LRP1B: variants seen among roughly 807,000 people sequenced by gnomAD.
LRP1B encodes the protein LDL receptor related protein 1B, also known as low-density lipoprotein receptor-related protein 1B.
A neutral mutation model predicts 556.6 loss-of-function variants in LRP1B; 217 were observed. That is an observed-to-expected ratio of 0.39 (90% CI 0.35 to 0.44). The LOEUF (loss-of-function observed/expected upper bound fraction) is 0.44. Ranked by LOEUF, LRP1B falls within the 20% of genes least tolerant of loss-of-function variation. The probability of loss-of-function intolerance (pLI) is 1.00; values close to 1 mark genes in which losing one functional copy is unlikely to be tolerated. For synonymous variants in LRP1B, 2,047 were observed against 1,865.8 expected (o/e 1.10, Z -2.50); for missense variants, 5,053 against 5,620.8 (o/e 0.90, Z 3.23).
intron 43 of LRP1B, among the ~76,000 whole-genome samples, chr2:140,542,241 A>G (rs1680165040): frequency 6.6e-6 from 1 of 152,254 alleles, no homozygotes; most frequent in African/African-American, 2.4e-5. Flanking sequence ...TAACAAGTGT[A>G]TTGTTTTGTA....
intron 7 of LRP1B, among the ~76,000 whole-genome samples, chr2:141,115,831 A>T (rs1219333949): frequency 6.6e-6 from 1 of 152,076 alleles, no homozygotes; most frequent in Non-Finnish European, 1.5e-5. Context: ...AAGGCTTATG[A>T]GCCAGAAAAA....
At position 141,808,982 on chromosome 2, in the gene LRP1B, C is replaced by A. The variant is rs56128220; in HGVS notation, c.205+1297G>T. On this transcript the variant is annotated intron_variant, in intron 2 of 90. Coordinates refer to ENST00000389484, the MANE Select transcript of LRP1B (RefSeq NM_018557.3). The stretch of plus-strand genomic sequence containing the variant: ...CTATATGGGTTTATCACAATTTATC[C>A]ATTAGAATTTTTCCTATGAACCTTT... 4.6e-5 allele frequency among the ~76,000 whole-genome samples: 7 copies of A among 152,108 alleles called. No individual in the cohort carries two copies. The East Asian group carries it at 9.7e-4, about 21-fold the overall frequency.
At chr2:140,487,776 C>A (rs2105367148) in intron 57 of LRP1B, 37 bp from the exon 58 acceptor site, 1 of 1,354,122 alleles carries the variant, frequency 7.4e-7, no homozygotes, top group South Asian at 1.3e-5. Flanking sequence ...AATGATAGTT[C>A]ATAGAAATAA....
chr2:142,086,609 T>C (rs2104941333), intron 1 of LRP1B, among the ~76,000 whole-genome samples: 1 of 123,998 alleles, frequency 8.1e-6, no homozygotes, highest in Non-Finnish European at 1.7e-5. Flanking sequence ...AGACTCCATC[T>C]CAAAAACAAA....
chr2:140,922,104 T>C (rs1694751888), intron 21 of LRP1B, among the ~76,000 whole-genome samples: 2 of 151,992 alleles, frequency 1.3e-5, no homozygotes, highest in South Asian at 2.1e-4. Context: ...TTTCACAAAT[T>C]AAACCACAAT....
At chr2:141,588,701 C>T (rs1687225523) in intron 2 of LRP1B, among the ~76,000 whole-genome samples, 1 of 152,172 alleles carries the variant, frequency 6.6e-6, no homozygotes, top group Non-Finnish European at 1.5e-5. Flanking sequence ...TCTGAGCTAG[C>T]TCTTCTCCTT....
At chr2:141,528,918 A>G (rs1684783226) in intron 2 of LRP1B, among the ~76,000 whole-genome samples, 1 of 152,218 alleles carries the variant, frequency 6.6e-6, no homozygotes, top group Admixed American at 6.5e-5. Context: ...ATAAATAACA[A>G]TTCTAACTGC....
chr2:141,896,704 G>A (rs2104925313), intron 1 of LRP1B, among the ~76,000 whole-genome samples: 1 of 152,138 alleles, frequency 6.6e-6, no homozygotes, highest in South Asian at 2.1e-4. Context: ...TTAGATTTTT[G>A]TTGACATAAA....
chr2:141,771,312 A>G (rs1288332328), intron 2 of LRP1B, among the ~76,000 whole-genome samples: 3 of 152,192 alleles, frequency 2.0e-5, no homozygotes, highest in Admixed American at 2.0e-4. Flanking sequence ...AACTGCCCCA[A>G]AGTGTCAGGG....
Position 140,994,017 on chromosome 2 carries a change from G to T in LRP1B, c.2622C>A (p.Ser874Arg), listed in dbSNP as rs775728525. 1.2e-6 allele frequency: 2 copies of T among 1,612,374 alleles called. No homozygotes were observed. The highest frequency in any genetic ancestry group is 4.5e-5 in the East Asian group (2 of 44,776). The change falls in exon 16 of 91, where the codon AGC (serine) becomes AGA (arginine). Residue 874 changes from serine to arginine, a missense_variant. Around this residue, in one of 5 missense-constraint regions of LRP1B, gnomAD observed 3,619 missense variants for 3,931.9 expected, o/e 0.92. Transcript: ENST00000389484. Reference protein sequence around the residue: ...CDGDDDCLDGSDEDSVNCFNH... With the variant: ...CDGDDDCLDGRDEDSVNCFNH... ...TACAGCAGTTTACTGAATCCTCATC[G>T]CTTCCGTCTAGGCAGTCATCGTCGC...
At chr2:140,447,394 CTT>C (rs897202116) in intron 63 of LRP1B, among the ~76,000 whole-genome samples, 1 of 148,898 alleles carries the variant, frequency 6.7e-6, no homozygotes, top group Non-Finnish European at 1.5e-5. Flanking sequence ...GCATGTCATA[CTT>C]TTTTTTTTGG....
At chr2:141,457,523 C>T (rs2105034272) in intron 3 of LRP1B, among the ~76,000 whole-genome samples, 1 of 152,182 alleles carries the variant, frequency 6.6e-6, no homozygotes, top group East Asian at 1.9e-4. Context: ...ATAGATGCAG[C>T]AAATCATCAT....
At chr2:141,343,881 C>T (rs1171353542) in intron 3 of LRP1B, among the ~76,000 whole-genome samples, 1 of 152,114 alleles carries the variant, frequency 6.6e-6, no homozygotes. Flanking sequence ...TCTTGAGATT[C>T]GTTCCCTGGG....
intron 84 of LRP1B, among the ~76,000 whole-genome samples, chr2:140,295,300 G>A (rs952385984): frequency 6.6e-6 from 1 of 152,114 alleles, no homozygotes; most frequent in African/African-American, 2.4e-5. Context: ...AAGGAACATT[G>A]GCCTAGGGTA....
At chr2:141,844,783 T>A (rs900755383) in intron 1 of LRP1B, among the ~76,000 whole-genome samples, 1 of 151,764 alleles carries the variant, frequency 6.6e-6, no homozygotes, top group Admixed American at 6.6e-5. Context: ...AACATCATGA[T>A]TTAAGGTGCT....
At chr2:140,788,463 AAT>A in intron 32 of LRP1B, among the ~76,000 whole-genome samples, 1 of 152,162 alleles carries the variant, frequency 6.6e-6, no homozygotes, top group South Asian at 2.1e-4. Flanking sequence ...GTGGCAAAAA[AAT>A]AATATATATT....
chr2:141,861,926 T>A (rs1368471989), intron 1 of LRP1B, among the ~76,000 whole-genome samples: 1 of 146,844 alleles, frequency 6.8e-6, no homozygotes, highest in African/African-American at 2.6e-5. Flanking sequence ...TGAGACTCCA[T>A]CTCAAAAAAA....
At chr2:140,504,171 A>G (rs75654800) in intron 53 of LRP1B, among the ~76,000 whole-genome samples, 3,804 of 152,182 alleles carry the variant, frequency 0.025, 147 homozygotes, top group African/African-American at 0.087. Flanking sequence ...TCAACATTTC[A>G]TTTCTCTGAC....
At chr2:141,868,097 A>T (rs1698472334) in intron 1 of LRP1B, among the ~76,000 whole-genome samples, 1 of 152,170 alleles carries the variant, frequency 6.6e-6, no homozygotes, top group South Asian at 2.1e-4. Context: ...ATCCTAAAGG[A>T]GTACATAGAA....
Sources: gnomAD v4.1 joint callset for allele counts (sites outside exome capture counted in the v4.1 genomes callset) on GRCh38, gnomAD v4.1.1 for gene constraint, gnomAD v4.1.1 regional missense constraint, MANE v1.5 for transcripts, NCBI Gene and HGNC (gene_info 2026-07-23, HGNC 2026-07-21) for gene names.